Variants in SLC35D2 observed in about 807,000 individuals in gnomAD.
The protein encoded by SLC35D2 is solute carrier family 35 member D2.
A neutral mutation model predicts 41.8 loss-of-function variants in SLC35D2; 43 were observed. That is an observed-to-expected ratio of 1.03 (90% CI 0.81 to 1.33). The LOEUF (loss-of-function observed/expected upper bound fraction) is 1.33. Among genes scored for constraint, SLC35D2 ranks in the 40% most tolerant of loss-of-function variants. SLC35D2 has a pLI of 0.00. For synonymous variants in SLC35D2, 150 were observed against 163.9 expected (o/e 0.92, Z 0.65); for missense variants, 380 against 408.4 (o/e 0.93, Z 0.60).
intron 1 of SLC35D2, among the ~76,000 whole-genome samples, chr9:96,370,113 T>C (rs1239323904): frequency 1.3e-5 from 2 of 152,086 alleles, no homozygotes; most frequent in African/African-American, 4.8e-5. Context: ...ATTTTAACTG[T>C]TGGTCTCTGC....
At chr9:96,340,673 G>C (rs1829283888) in intron 8 of SLC35D2, among the ~76,000 whole-genome samples, 1 of 133,964 alleles carries the variant, frequency 7.5e-6, no homozygotes, top group Admixed American at 7.8e-5. Context: ...TTAACTCCAT[G>C]ACTTGACTTG....
chr9:96,325,032 T>G (rs1023971068), intron 9 of SLC35D2, among the ~76,000 whole-genome samples: 3 of 152,204 alleles, frequency 2.0e-5, no homozygotes, highest in Non-Finnish European at 4.4e-5. Flanking sequence ...ATTGCTGCCT[T>G]GGACGGAGGA....
intron 4 of SLC35D2, among the ~76,000 whole-genome samples, chr9:96,358,105 T>TATATATATATATATATATATATAC (rs546410635): frequency 1.4e-5 from 2 of 143,540 alleles, no homozygotes; most frequent in Non-Finnish European, 3.0e-5. Flanking sequence ...TATATATATA[T>TATATATATATATATATATATATAC]ATACCTGCAA....
intron 1 of SLC35D2, among the ~76,000 whole-genome samples, chr9:96,376,484 C>T (rs1432454800): frequency 6.6e-6 from 1 of 151,976 alleles, no homozygotes; most frequent in African/African-American, 2.4e-5. Context: ...TGGCGGGTGC[C>T]TGTAATCCCA....
Position 96,321,438 on chromosome 9 carries a change from C to T in SLC35D2, c.915-97G>A, listed in dbSNP as rs377528009. 656 of 761,338 alleles carry T rather than the reference C, an allele frequency of 8.6e-4. 3 individuals are homozygous for T. The highest frequency in any genetic ancestry group is 8.2e-3 in the South Asian group (516 of 63,002). 47.2% of individuals were successfully genotyped at this position (761,338 alleles called of 1,614,324 possible). A position where few individuals can be genotyped will look rare whatever the true frequency, so the allele number is the denominator to read the frequency against. ...TTTTTATCAATACACCTGCTTCATGCGGAGGGAATTATTCCAATATCTGTG... is the reference window on the plus strand; with the variant it reads ...TTTTTATCAATACACCTGCTTCATGTGGAGGGAATTATTCCAATATCTGTG... On this transcript the variant is annotated intron_variant, in intron 11 of 11. Transcript: ENST00000253270.
exon 12 of SLC35D2, among the ~76,000 whole-genome samples, chr9:96,313,748 TG>T (rs1215094720): frequency 1.3e-5 from 2 of 152,240 alleles, no homozygotes; most frequent in African/African-American, 4.8e-5. Flanking sequence ...GCGTCCTCCC[TG>T]GGCAGCCTCT....
Position 96,383,654 on chromosome 9 carries a change from C to T in SLC35D2, c.-20G>A. ...CGTCATCTCCTGCGGCCCCGCGGAC[C>T]CCGCCGCCCGCCAGCCCCGGCTGCG... is the stretch of plus-strand genomic sequence containing the variant. On this transcript the variant is annotated 5_prime_UTR_variant, in exon 1 of 12. Transcript: ENST00000253270. 1 of 1,019,410 alleles carries T rather than the reference C, an allele frequency of 9.8e-7. No individual in the cohort carries two copies. Among genetic ancestry groups the T allele is most frequent in the South Asian group, 4.4e-5 (1 of 22,484 alleles). 63.1% of individuals were successfully genotyped at this position (1,019,410 alleles called of 1,614,324 possible). A position where few individuals can be genotyped will look rare whatever the true frequency, so the allele number is the denominator to read the frequency against.
intron 4 of SLC35D2, 38 bp downstream of exon 4, chr9:96,360,116 G>C (rs372482174): frequency 5.5e-5 from 82 of 1,504,276 alleles, no homozygotes; most frequent in Non-Finnish European, 7.0e-5. Flanking sequence ...CAGCACAGAG[G>C]TGAGGAACTT....
At position 96,345,302 on chromosome 9, in the gene SLC35D2, T is replaced by A; in HGVS notation, c.588A>T (p.Pro196=). The change falls in exon 7 of 12, where the codon CCA becomes CCT. Residue 196 remains proline (P), a synonymous_variant. Coordinates refer to ENST00000253270, the MANE Select transcript of SLC35D2 (RefSeq NM_007001.3). ...NGVYTKQKMD[P]KELGKYGVLF... is the part of the protein sequence containing the mutation. ...AGCCATAGGCAAGGTCTGGTACCTT[T>A]GGGTCCATTTTCTGTTTGGTATAAA... The A allele has an allele frequency of 3.2e-6, 5 of 1,584,332 alleles. No homozygotes were observed. Among genetic ancestry groups the A allele is most frequent in the Non-Finnish European group, 4.3e-6 (5 of 1,156,752 alleles).
chr9:96,361,294 A>C (rs1482960855), intron 3 of SLC35D2, among the ~76,000 whole-genome samples: 1 of 152,184 alleles, frequency 6.6e-6, no homozygotes, highest in Non-Finnish European at 1.5e-5. Context: ...CCTAATCCCC[A>C]ATGTGACTGT....
rs757257039 is a variant in SLC35D2 at position 96,343,903 on chromosome 9, C to G, written c.684+1G>C. On this transcript the variant is annotated splice_donor_variant, in intron 8 of 11. Transcript: ENST00000253270. LOFTEE classifies it high-confidence loss of function. ...AACTGTAATGATTGTCATCAGCTCACCTGTTGCAGGTCTCCAGTGGAGACA... is the reference window on the plus strand; with the variant it reads ...AACTGTAATGATTGTCATCAGCTCAGCTGTTGCAGGTCTCCAGTGGAGACA... 2 of 1,530,528 alleles carry G rather than the reference C, an allele frequency of 1.3e-6. No homozygotes were observed. Among genetic ancestry groups the G allele is most frequent in the South Asian group, 2.5e-5 (2 of 79,118 alleles). The allele number at this position is 1,530,528 out of a possible 1,614,324, so 94.8% of individuals were successfully genotyped here. A position where few individuals can be genotyped will look rare whatever the true frequency, so the allele number is the denominator to read the frequency against.
At chr9:96,348,804 CT>C (rs371158433) in intron 6 of SLC35D2, among the ~76,000 whole-genome samples, 55 of 152,356 alleles carry the variant, frequency 3.6e-4, no homozygotes, top group African/African-American at 1.3e-3. Flanking sequence ...TGTTTGTAGA[CT>C]GTCCTTACAT....
At position 96,343,991 on chromosome 9, in the gene SLC35D2, T is replaced by C. The variant is rs1444847501; in HGVS notation, c.597A>G (p.Leu199=). ...YTKQKMDPKE[L]GKYGVLFYNA... is the part of the protein sequence containing the mutation. The stretch of plus-strand genomic sequence containing the variant: ...TGTAGAAAAGTACTCCGTATTTCCC[T>C]AGCTCCTGCAAAAACAAAAATGTAA... Residue 199 remains leucine (L), a synonymous_variant, in exon 8 of 12, where the codon CTA becomes CTG. Transcript: ENST00000253270. 2 of 1,583,816 alleles carry C rather than the reference T, an allele frequency of 1.3e-6. No individual in the cohort carries two copies. Among genetic ancestry groups the C allele is most frequent in the Admixed American group, 3.8e-5 (2 of 52,958 alleles).
At chr9:96,370,375 G>A (rs1005216231) in intron 1 of SLC35D2, among the ~76,000 whole-genome samples, 4 of 152,122 alleles carry the variant, frequency 2.6e-5, no homozygotes, top group African/African-American at 7.2e-5. Flanking sequence ...AGGGTCACCC[G>A]GCTAGGAGTG....
chr9:96,316,312 C>A (rs1314803880), downstream of SLC35D2, among the ~76,000 whole-genome samples: 1 of 151,976 alleles, frequency 6.6e-6, no homozygotes, highest in Non-Finnish European at 1.5e-5. Flanking sequence ...ACCAGCCTGG[C>A]CAACATGGTG....
chr9:96,345,155 A>C (rs186039576), intron 7 of SLC35D2, 144 bp downstream of exon 7: 2 of 546,806 alleles, frequency 3.7e-6, no homozygotes, highest in Admixed American at 7.8e-5. Context: ...TAACTTATAC[A>C]GACAAGATAA....
intron 11 of SLC35D2, 55 bp from the exon 12 acceptor site, chr9:96,321,396 A>G: frequency 7.7e-7 from 1 of 1,295,172 alleles, no homozygotes; most frequent in Non-Finnish European, 1.1e-6. Flanking sequence ...CAGGGGCTCC[A>G]GCAGCAGTTG....
chr9:96,335,817 G>T (rs1829025097), intron 9 of SLC35D2, among the ~76,000 whole-genome samples: 1 of 152,078 alleles, frequency 6.6e-6, no homozygotes, highest in Non-Finnish European at 1.5e-5. Context: ...ACTTTGGGAG[G>T]CTGAGGTGGG....
chr9:96,324,576 G>A lies in SLC35D2; in HGVS notation c.753-407C>T, dbSNP rs994513825. Among the ~76,000 whole-genome samples the A allele has an allele frequency of 1.4e-4, 16 of 114,334 alleles. 1 individual carries two copies. The highest frequency in any genetic ancestry group is 1.9e-5 in the Non-Finnish European group (1 of 52,200). The allele number at this position is 114,334 out of a possible 152,430, so 75.0% of individuals were successfully genotyped here. On this transcript the variant is annotated intron_variant, in intron 9 of 11. Coordinates refer to ENST00000253270, the MANE Select transcript of SLC35D2 (RefSeq NM_007001.3). ...TTTTTTTTTTTTTTTTGGTGGGGAC[G>A]GAGTCTCGCTCTGTCACCCAGGCTG...
Sources: gnomAD v4.1 joint callset for allele counts (sites outside exome capture counted in the v4.1 genomes callset) on GRCh38, gnomAD v4.1.1 for gene constraint, MANE v1.5 for transcripts, NCBI Gene and HGNC (gene_info 2026-07-23, HGNC 2026-07-21) for gene names.